The following MAGI2 variants were observed in gnomAD, a reference collection of about 807,000 sequenced individuals.
The protein encoded by MAGI2 is membrane-associated guanylate kinase, WW and PDZ domain-containing protein 2.
In MAGI2, 35 loss-of-function variants were observed where a neutral mutation model predicts 133.3. That is an observed-to-expected ratio of 0.26 (90% CI 0.20 to 0.35). The LOEUF is 0.35. MAGI2 is among the 10% of genes least tolerant of loss of function. MAGI2 has a pLI of 1.00. For synonymous variants in MAGI2, 729 were observed against 710.6 expected (o/e 1.03, Z -0.41); for missense variants, 1,636 against 1,863.4 (o/e 0.88, Z 2.25).
At chr7:78,854,233 T>C (rs1793427787) in intron 2 of MAGI2, among the ~76,000 whole-genome samples, 1 of 152,114 alleles carries the variant, frequency 6.6e-6, no homozygotes, top group Admixed American at 6.6e-5. Flanking sequence ...AAACTTTAGA[T>C]TATATATTTA....
intron 2 of MAGI2, among the ~76,000 whole-genome samples, chr7:78,729,316 A>C (rs1156706676): frequency 1.3e-5 from 2 of 152,208 alleles, no homozygotes; most frequent in Non-Finnish European, 2.9e-5. Flanking sequence ...GGGTTCAGCA[A>C]ATTTCTTCAA....
chr7:78,441,747 T>C (rs914903889), intron 6 of MAGI2, among the ~76,000 whole-genome samples: 3 of 152,004 alleles, frequency 2.0e-5, no homozygotes, highest in Non-Finnish European at 4.4e-5. Flanking sequence ...AGACATTTAG[T>C]AGAGGAAATG....
chr7:79,416,965 CT>C (rs1846577664), intron 1 of MAGI2, among the ~76,000 whole-genome samples: 1 of 151,888 alleles, frequency 6.6e-6, no homozygotes, highest in Non-Finnish European at 1.5e-5. Context: ...TACTCCGGAT[CT>C]TGTGATCTGC....
chr7:78,110,727 A>G lies in MAGI2; in HGVS notation c.3567+14967T>C, dbSNP rs139254936. Among the ~76,000 whole-genome samples the G allele has an allele frequency of 7.2e-5, 11 of 152,340 alleles. No individual in the cohort carries two copies. The East Asian group carries it at 7.7e-4, about 11-fold the overall frequency. ...TTTCAACCTGGAGAAGGAAGCAGCA[A>G]TGTTCCACAGGCAGGAGCAATGCCA... is the stretch of plus-strand genomic sequence containing the variant. On this transcript the variant is annotated intron_variant, in intron 20 of 21. Transcript: ENST00000354212.
At chr7:79,270,741 T>C (rs547117993) in intron 1 of MAGI2, among the ~76,000 whole-genome samples, 1 of 93,958 alleles carries the variant, frequency 1.1e-5, no homozygotes, top group South Asian at 3.3e-4. Flanking sequence ...GAGTCTTAGT[T>C]ATTTTTTTTT....
At chr7:78,820,505 T>C (rs1790005364) in intron 2 of MAGI2, among the ~76,000 whole-genome samples, 1 of 151,940 alleles carries the variant, frequency 6.6e-6, no homozygotes, top group Non-Finnish European at 1.5e-5. Context: ...ATTGTACTAG[T>C]AATTTTTATT....
At position 78,771,745 on chromosome 7, in the gene MAGI2, C is replaced by T. The variant is rs1453619345; in HGVS notation, c.419-144506G>A. On this transcript the variant is annotated intron_variant, in intron 2 of 21. Transcript: ENST00000354212. ...TTTAAACTTATCTTGAAGTTAAGGACCATTGTAAAAGACAATAAAAATAAT... is the reference window on the plus strand; with the variant it reads ...TTTAAACTTATCTTGAAGTTAAGGATCATTGTAAAAGACAATAAAAATAAT... Among the ~76,000 whole-genome samples, 6 of 151,434 alleles carry T rather than the reference C, an allele frequency of 4.0e-5. No homozygotes were observed. In the East Asian group the frequency reaches 1.2e-3, roughly 29 times the overall value.
At chr7:78,940,111 A>G (rs891586738) in intron 2 of MAGI2, among the ~76,000 whole-genome samples, 1 of 152,204 alleles carries the variant, frequency 6.6e-6, no homozygotes, top group African/African-American at 2.4e-5. Flanking sequence ...CCATAGATAC[A>G]CATTTCCAAA....
At chr7:78,934,038 G>T (rs1354660954) in intron 2 of MAGI2, among the ~76,000 whole-genome samples, 1 of 152,082 alleles carries the variant, frequency 6.6e-6, no homozygotes, top group Non-Finnish European at 1.5e-5. Context: ...TGTTGCTGTT[G>T]TTTAACAGCT....
intron 7 of MAGI2, chr7:78,358,506 C>A: frequency 6.4e-6 from 1 of 155,552 alleles, no homozygotes; most frequent in South Asian, 1.8e-4. Context: ...CCACCCGCCC[C>A]GCCATTCCTG....
intron 1 of MAGI2, among the ~76,000 whole-genome samples, chr7:79,409,685 T>C (rs1233036379): frequency 6.6e-6 from 1 of 152,098 alleles, no homozygotes; most frequent in Non-Finnish European, 1.5e-5. Context: ...AAAAGGGTTA[T>C]ATGTCACAAT....
Position 78,955,700 on chromosome 7 carries a change from CCTTTCTTTCTTTTTCTTTCTTTCTCTTT to C in MAGI2, c.418+51362_418+51389del, listed in dbSNP as rs1302632834. ...TCCTCCCTCCCTCCCTTTCTCTCTC[CCTTTCTTTCTTTTTCTTTCTTTCTCTTT>C]CTTTCTTTCTTTCTTTCTTTCTTTC... On this transcript the variant is annotated intron_variant, in intron 2 of 21. Coordinates refer to ENST00000354212, the MANE Select transcript of MAGI2 (RefSeq NM_012301.4). 6.0e-4 allele frequency among the ~76,000 whole-genome samples: 33 copies of C among 55,238 alleles called. 1 individual carries two copies. Among genetic ancestry groups the C allele is most frequent in the African/African-American group, 3.2e-3 (29 of 9,152 alleles). The allele number at this position is 55,238 out of a possible 152,430, so 36.2% of individuals were successfully genotyped here. A position where few individuals can be genotyped will look rare whatever the true frequency, so the allele number is the denominator to read the frequency against.
intron 1 of MAGI2, among the ~76,000 whole-genome samples, chr7:79,440,202 GGA>G (rs1214714444): frequency 1.3e-5 from 2 of 150,440 alleles, no homozygotes; most frequent in Non-Finnish European, 1.5e-5. Context: ...TGCTCTTATT[GGA>G]GAGTCTTATA....
chr7:79,433,685 A>G (rs1350789663), intron 1 of MAGI2, among the ~76,000 whole-genome samples: 1 of 152,186 alleles, frequency 6.6e-6, no homozygotes, highest in Non-Finnish European at 1.5e-5. Context: ...TGCTATTATT[A>G]GATATTTTTA....
intron 1 of MAGI2, among the ~76,000 whole-genome samples, chr7:79,098,799 A>G (rs1817726043): frequency 6.6e-6 from 1 of 152,224 alleles, no homozygotes; most frequent in Non-Finnish European, 1.5e-5. Flanking sequence ...GACATGAAAT[A>G]AATGGACCCA....
intron 6 of MAGI2, among the ~76,000 whole-genome samples, chr7:78,457,309 C>T (rs66895186): frequency 0.13 from 19,220 of 152,116 alleles, 1,288 homozygotes; most frequent in Admixed American, 0.19. Flanking sequence ...TCCCTTATCA[C>T]AGAGTCAAGA....
At chr7:78,672,125 T>G (rs986239091) in intron 2 of MAGI2, among the ~76,000 whole-genome samples, 2 of 152,212 alleles carry the variant, frequency 1.3e-5, no homozygotes, top group Non-Finnish European at 2.9e-5. Context: ...ATCCTTTGGA[T>G]GTTTGGCCCC....
At chr7:78,406,941 T>C (rs978413040) in intron 6 of MAGI2, among the ~76,000 whole-genome samples, 1 of 152,040 alleles carries the variant, frequency 6.6e-6, no homozygotes, top group Non-Finnish European at 1.5e-5. Context: ...ATTTTCTAAG[T>C]GTTTCCTTAT....
chr7:79,156,808 C>T (rs1475287144), intron 1 of MAGI2, among the ~76,000 whole-genome samples: 1 of 152,054 alleles, frequency 6.6e-6, no homozygotes, highest in Admixed American at 6.6e-5. Flanking sequence ...AAATATTTTA[C>T]AGAGTTTGAT....
Sources: gnomAD v4.1 joint callset for allele counts (sites outside exome capture counted in the v4.1 genomes callset) on GRCh38, gnomAD v4.1.1 for gene constraint, MANE v1.5 for transcripts, NCBI Gene and HGNC (gene_info 2026-07-23, HGNC 2026-07-21) for gene names.